Variants in CEP128 observed in about 807,000 individuals in gnomAD.
The protein encoded by CEP128 is centrosomal protein 128kDa.
A neutral mutation model predicts 156.7 loss-of-function variants in CEP128; 132 were observed. The observed-to-expected ratio is 0.84, with a 90% confidence interval of 0.73 to 0.97. The LOEUF (loss-of-function observed/expected upper bound fraction) is 0.97, where lower values mean the gene tolerates loss of function less well. CEP128 is among the 50% of genes least tolerant of loss of function. The probability of loss-of-function intolerance (pLI) is 0.00; values close to 1 mark genes in which losing one functional copy is unlikely to be tolerated. For synonymous variants in CEP128, 469 were observed against 448.9 expected, an observed-to-expected ratio of 1.04 and a Z score of -0.57; for missense variants, 1,252 against 1,281.9, an observed-to-expected ratio of 0.98 and a Z score of 0.36.
At chr14:80,700,884 T>A (rs967160166) in intron 19 of CEP128, among the ~76,000 whole-genome samples, 1 of 152,116 alleles carries the variant, frequency 6.6e-6, no homozygotes, top group East Asian at 1.9e-4. Context: ...TAACTGACCA[T>A]ACAGATTTAA....
intron 16 of CEP128, among the ~76,000 whole-genome samples, chr14:80,764,573 T>C (rs373535828): frequency 1.6e-4 from 25 of 152,298 alleles, no homozygotes; most frequent in Middle Eastern, 3.4e-3. Flanking sequence ...GGGACAGTTG[T>C]ATGCTATGTC....
At chr14:80,478,872 T>C (rs980156769) in intron 14 of CEP128, among the ~76,000 whole-genome samples, 1 of 152,236 alleles carries the variant, frequency 6.6e-6, no homozygotes, top group East Asian at 1.9e-4. Context: ...AGAATAAATA[T>C]GCTAATTCCA....
intron 14 of CEP128, among the ~76,000 whole-genome samples, chr14:80,788,390 C>T (rs1901531420): frequency 6.8e-6 from 1 of 146,158 alleles, no homozygotes; most frequent in African/African-American, 2.5e-5. Flanking sequence ...TAAGGGGTTC[C>T]AAATTATCAG....
intron 19 of CEP128, among the ~76,000 whole-genome samples, chr14:80,629,043 G>T: frequency 1.0e-5 from 1 of 98,748 alleles, no homozygotes. Flanking sequence ...TTAAACTCAA[G>T]CCTGTTTAAG....
intron 13 of CEP128, among the ~76,000 whole-genome samples, chr14:80,794,071 C>T (rs1306308979): frequency 6.6e-6 from 1 of 151,986 alleles, no homozygotes; most frequent in Non-Finnish European, 1.5e-5. Flanking sequence ...TTAGTGGCAA[C>T]AAAAGTAACA....
intron 19 of CEP128, among the ~76,000 whole-genome samples, chr14:80,653,647 T>C (rs1895008632): frequency 6.6e-6 from 1 of 152,164 alleles, no homozygotes; most frequent in South Asian, 2.1e-4. Context: ...TTGGTGACTT[T>C]AAGTTGAAGC....
At chr14:80,810,081 T>G (rs774860668) in intron 13 of CEP128, among the ~76,000 whole-genome samples, 1 of 151,794 alleles carries the variant, frequency 6.6e-6, no homozygotes, top group Non-Finnish European at 1.5e-5. Flanking sequence ...CCCAGCACTT[T>G]GGGAGGCCAA....
intron 6 of CEP128, among the ~76,000 whole-genome samples, chr14:80,491,397 T>C (rs1185087595): frequency 6.6e-6 from 1 of 152,120 alleles, no homozygotes; most frequent in Non-Finnish European, 1.5e-5. Context: ...GTTGCATCTA[T>C]TTTACTCAGG....
At chr14:80,851,399 A>G (rs1466062666) in intron 9 of CEP128, among the ~76,000 whole-genome samples, 2 of 152,136 alleles carry the variant, frequency 1.3e-5, no homozygotes, top group Non-Finnish European at 2.9e-5. Context: ...AGTTTTCCCT[A>G]AAGAGGTCAC....
At chr14:80,600,098 CAG>C (rs1892518959) in intron 19 of CEP128, among the ~76,000 whole-genome samples, 1 of 152,062 alleles carries the variant, frequency 6.6e-6, no homozygotes, top group Non-Finnish European at 1.5e-5. Context: ...GAAAAATGAA[CAG>C]AGACTTAAAA....
intron 8 of CEP128, among the ~76,000 whole-genome samples, chr14:80,864,312 G>T (rs1045944333): frequency 6.6e-6 from 1 of 152,084 alleles, no homozygotes. Flanking sequence ...CCTTCAAATA[G>T]CTTGCTATCT....
intron 8 of CEP128, among the ~76,000 whole-genome samples, chr14:80,879,683 T>TA (rs2139306520): frequency 1.3e-5 from 2 of 152,050 alleles, no homozygotes; most frequent in Non-Finnish European, 2.9e-5. Flanking sequence ...TAAAGACTTA[T>TA]AAAAAACCAT....
intron 19 of CEP128, among the ~76,000 whole-genome samples, chr14:80,617,566 G>C (rs1402357240): frequency 6.6e-6 from 1 of 152,040 alleles, no homozygotes; most frequent in Non-Finnish European, 1.5e-5. Flanking sequence ...ACATAAGGTG[G>C]GGGGTGGACT....
chr14:80,607,849 T>C (rs902413240), intron 19 of CEP128, among the ~76,000 whole-genome samples: 1 of 152,150 alleles, frequency 6.6e-6, no homozygotes, highest in South Asian at 2.1e-4. Context: ...TCTCCTAAAG[T>C]CGATTTCAGT....
intron 19 of CEP128, among the ~76,000 whole-genome samples, chr14:80,605,473 C>T (rs1232374719): frequency 6.6e-6 from 1 of 152,058 alleles, no homozygotes; most frequent in African/African-American, 2.4e-5. Flanking sequence ...GATAAATACA[C>T]TTTAGATAAT....
At chr14:80,657,225 C>G (rs1595164618) in intron 19 of CEP128, among the ~76,000 whole-genome samples, 1 of 151,776 alleles carries the variant, frequency 6.6e-6, no homozygotes, top group Non-Finnish European at 1.5e-5. Flanking sequence ...CCACTGCGCT[C>G]CAGCCTGGGC....
intron 8 of CEP128, among the ~76,000 whole-genome samples, chr14:80,889,302 A>G (rs1397524875): frequency 6.6e-6 from 1 of 152,226 alleles, no homozygotes; most frequent in African/African-American, 2.4e-5. Flanking sequence ...TGGAACCAAA[A>G]AAGAGCCTGC....
At chr14:80,624,960 AG>A (rs1893647203) in intron 19 of CEP128, among the ~76,000 whole-genome samples, 3 of 152,238 alleles carry the variant, frequency 2.0e-5, no homozygotes, top group South Asian at 4.1e-4. Context: ...TGTTGTCTAT[AG>A]TTTTGAAGTC....
At chr14:80,719,869 T>C (rs1222449973) in intron 19 of CEP128, among the ~76,000 whole-genome samples, 1 of 152,222 alleles carries the variant, frequency 6.6e-6, no homozygotes, top group Non-Finnish European at 1.5e-5. Context: ...ATATGGTCCC[T>C]GGCCTTAGAG....
Sources: allele counts gnomAD v4.1 joint callset (sites outside exome capture counted in the v4.1 genomes callset), GRCh38; gene constraint gnomAD v4.1.1; transcripts MANE v1.5; gene names NCBI Gene and HGNC (gene_info 2026-07-23, HGNC 2026-07-21).